Variants in AASS observed in about 807,000 individuals in gnomAD.
AASS encodes alpha-aminoadipic semialdehyde synthase, mitochondrial.
Under a neutral mutation model 105.4 loss-of-function variants are expected in AASS, and 86 were observed. That is an observed-to-expected ratio of 0.82 (90% CI 0.69 to 0.98). The LOEUF (loss-of-function observed/expected upper bound fraction) is 0.98, where lower values mean the gene tolerates loss of function less well. Among genes scored for constraint, AASS ranks in the 50% least tolerant of loss-of-function variants. The pLI is 0.00. For missense variants in AASS, 1,048 were observed against 1,143.2 expected (o/e 0.92, Z 1.20); for synonymous variants, 381 against 394.8 (o/e 0.96, Z 0.41).
At chr7:122,139,081 A>G (rs1376597522) in intron 1 of AASS, among the ~76,000 whole-genome samples, 2 of 152,224 alleles carry the variant, frequency 1.3e-5, no homozygotes, top group East Asian at 3.8e-4. Flanking sequence ...GGTCTTTTGT[A>G]CAATTACACA....
intron 10 of AASS, 131 bp from the exon 11 acceptor site, chr7:122,113,360 AAAC>A (rs1229287640): frequency 9.7e-7 from 1 of 1,034,938 alleles, no homozygotes; most frequent in East Asian, 2.6e-5. Context: ...ACGCGAAAAT[AAAC>A]AAAACTTTTC....
At chr7:122,108,622 T>C (rs775890903) in intron 11 of AASS, among the ~76,000 whole-genome samples, 3 of 152,028 alleles carry the variant, frequency 2.0e-5, no homozygotes, top group Non-Finnish European at 2.9e-5. Flanking sequence ...AAATTCAACA[T>C]CACCTTATGA....
intron 2 of AASS, among the ~76,000 whole-genome samples, chr7:122,132,020 G>A (rs532784494): frequency 6.6e-4 from 100 of 152,114 alleles, no homozygotes; most frequent in Non-Finnish European, 1.2e-3. Flanking sequence ...AAAAATTAAA[G>A]AAGCATAATG....
chr7:122,118,510 A>G, intron 5 of AASS, 53 bp downstream of exon 5: 1 of 1,614,064 alleles, frequency 6.2e-7, no homozygotes, highest in Non-Finnish European at 8.5e-7. Flanking sequence ...TTTTTTTATT[A>G]TTAAGGTGTG....
intron 19 of AASS, among the ~76,000 whole-genome samples, chr7:122,083,206 G>A (rs1265648466): frequency 6.6e-6 from 1 of 151,978 alleles, no homozygotes; most frequent in Non-Finnish European, 1.5e-5. Context: ...ACTGTTCAAA[G>A]GTTACTAAAA....
intron 13 of AASS, 51 bp from the exon 14 acceptor site, chr7:122,098,917 T>G (rs567438251): frequency 3.8e-4 from 548 of 1,455,452 alleles, no homozygotes; most frequent in Non-Finnish European, 4.5e-4. Context: ...TAATTAAAAA[T>G]TTTTTTTTAA....
chr7:122,104,289 T>C (rs1239708233), intron 11 of AASS, among the ~76,000 whole-genome samples: 1 of 100,882 alleles, frequency 9.9e-6, no homozygotes, highest in Non-Finnish European at 1.9e-5. Context: ...TGGAATACTA[T>C]GCAGCCATAA....
chr7:122,092,741 T>C, intron 17 of AASS, 102 bp downstream of exon 17: 1 of 1,045,194 alleles, frequency 9.6e-7, no homozygotes, highest in East Asian at 2.5e-5. Context: ...AAAAAATCTT[T>C]AACTTTGATT....
intron 1 of AASS, among the ~76,000 whole-genome samples, chr7:122,142,912 C>T (rs955995306): frequency 2.6e-5 from 4 of 152,138 alleles, no homozygotes; most frequent in Admixed American, 6.6e-5. Flanking sequence ...GTTCTGATCA[C>T]GCCATCATCA....
chr7:122,111,430 A>G (rs1794925716), intron 11 of AASS, among the ~76,000 whole-genome samples: 1 of 152,212 alleles, frequency 6.6e-6, no homozygotes. Flanking sequence ...CCTGTACTGT[A>G]AGAAGTGATA....
intron 13 of AASS, 41 bp downstream of exon 13, chr7:122,101,330 A>C (rs748903677): frequency 6.8e-7 from 1 of 1,468,464 alleles, no homozygotes. Flanking sequence ...TTCCAAGATA[A>C]GAATAAATGT....
rs1484240814 is a variant in AASS at position 122,073,933 on chromosome 7, T to C, written c.*2556A>G. Among the ~76,000 whole-genome samples, 1 of 152,108 alleles carries C rather than the reference T, an allele frequency of 6.6e-6. No individual in the cohort carries two copies. The highest frequency in any genetic ancestry group is 1.9e-4 in the East Asian group (1 of 5,202). On this transcript the variant is annotated 3_prime_UTR_variant, in exon 24 of 24. Coordinates refer to ENST00000417368, the MANE Select transcript of AASS (RefSeq NM_005763.4). ...CTTCATCTCTTTTTTTATTGCTGAATAATATTCCTTGTATGGATATGCCAC... is the reference window on the plus strand; with the variant it reads ...CTTCATCTCTTTTTTTATTGCTGAACAATATTCCTTGTATGGATATGCCAC...
intron 11 of AASS, among the ~76,000 whole-genome samples, chr7:122,104,551 G>A (rs1052860638): frequency 7.9e-5 from 12 of 152,058 alleles, no homozygotes; most frequent in African/African-American, 2.7e-4. Context: ...ATGAGATGGT[G>A]CCACTACACC....
intron 15 of AASS, among the ~76,000 whole-genome samples, chr7:122,095,973 ATGATAGGACTTTGCC>A (rs1794136166): frequency 6.6e-6 from 1 of 152,170 alleles, no homozygotes; most frequent in Non-Finnish European, 1.5e-5. Flanking sequence ...GAGAAGTAGA[ATGATAGGACTTTGCC>A]TGTGGTACTT....
At chr7:122,081,982 T>C (rs1793353170) in intron 19 of AASS, among the ~76,000 whole-genome samples, 1 of 152,176 alleles carries the variant, frequency 6.6e-6, no homozygotes, top group Admixed American at 6.5e-5. Context: ...TTATATGCTG[T>C]CAGCTCAGCA....
At chr7:122,142,666 A>G (rs866730365) in intron 1 of AASS, among the ~76,000 whole-genome samples, 2 of 152,156 alleles carry the variant, frequency 1.3e-5, no homozygotes, top group Admixed American at 6.5e-5. Context: ...TCCATTCCAA[A>G]TGTTTGTTTC....
chr7:122,128,906 A>G (rs769470625), intron 3 of AASS, among the ~76,000 whole-genome samples: 6 of 152,130 alleles, frequency 3.9e-5, no homozygotes, highest in Non-Finnish European at 7.3e-5. Context: ...GTGAAACCCC[A>G]TCTCTACTAA....
chr7:122,117,084 G>A, intron 6 of AASS, 127 bp from the exon 7 acceptor site: 1 of 829,482 alleles, frequency 1.2e-6, no homozygotes. Context: ...AACCAGGACT[G>A]CAACACAGAA....
chr7:122,086,107 A>T lies in AASS; in HGVS notation c.2089T>A (p.Leu697Met). The change falls in exon 19 of 24, where the codon TTG (leucine) becomes ATG (methionine). Residue 697 changes from leucine to methionine, a missense_variant. Transcript: ENST00000417368. The stretch of plus-strand genomic sequence containing the variant: ...CTGTCTCTGTTAGGATAGCCTTCCA[A>T]ATTTAATCCTGGAAAAAAATCCATG... ...TSMDFFPGLN[L>M]EGYPNRDSTK... The T allele has an allele frequency of 6.2e-7, 1 of 1,613,592 alleles. No homozygotes were observed. The highest frequency in any genetic ancestry group is 1.1e-5 in the South Asian group (1 of 91,068).
Sources: allele counts gnomAD v4.1 joint callset (sites outside exome capture counted in the v4.1 genomes callset), GRCh38; gene constraint gnomAD v4.1.1; transcripts MANE v1.5; gene names NCBI Gene and HGNC (gene_info 2026-07-23, HGNC 2026-07-21).